Variants in REV3L observed in about 807,000 individuals in gnomAD.
REV3L encodes DNA polymerase zeta catalytic subunit.
A neutral mutation model predicts 299.4 loss-of-function variants in REV3L; 69 were observed. That is an observed-to-expected ratio of 0.23 (90% CI 0.19 to 0.28). The LOEUF is 0.28. Among genes scored for constraint, REV3L ranks in the 10% least tolerant of loss-of-function variants. The probability of loss-of-function intolerance (pLI) is 1.00; values close to 1 mark genes in which losing one functional copy is unlikely to be tolerated. For missense variants in REV3L, 3,128 were observed against 3,693.8 expected (o/e 0.85, Z 3.97); for synonymous variants, 1,238 against 1,271.4 (o/e 0.97, Z 0.56).
chr6:111,341,127 G>A (rs1011342163), intron 21 of REV3L, among the ~76,000 whole-genome samples: 1 of 143,846 alleles, frequency 7.0e-6, no homozygotes, highest in African/African-American at 2.6e-5. Context: ...TGCAACCTCT[G>A]ACTCCTGCTC....
intron 1 of REV3L, among the ~76,000 whole-genome samples, chr6:111,438,320 A>G (rs1189675105): frequency 1.3e-5 from 2 of 152,152 alleles, no homozygotes; most frequent in African/African-American, 2.4e-5. Flanking sequence ...TTATGAATAT[A>G]CAGAAATATA....
At chr6:111,304,639 G>A (rs1772065826) in intron 31 of REV3L, among the ~76,000 whole-genome samples, 1 of 148,450 alleles carries the variant, frequency 6.7e-6, no homozygotes, top group African/African-American at 2.5e-5. Context: ...TCGATCCAAG[G>A]GTATACATGT....
chr6:111,420,096 C>T (rs986582711), intron 1 of REV3L, among the ~76,000 whole-genome samples: 8 of 152,160 alleles, frequency 5.3e-5, no homozygotes, highest in Admixed American at 3.9e-4. Flanking sequence ...CCACCTGCCT[C>T]GGCCTTCCAA....
intron 1 of REV3L, among the ~76,000 whole-genome samples, chr6:111,439,764 A>G (rs1788024064): frequency 6.6e-6 from 1 of 152,188 alleles, no homozygotes; most frequent in African/African-American, 2.4e-5. Flanking sequence ...GACCCACTAC[A>G]GCTTTCTGAA....
intron 31 of REV3L, among the ~76,000 whole-genome samples, chr6:111,301,850 TAA>T (rs1256343460): frequency 6.6e-6 from 1 of 151,850 alleles, no homozygotes; most frequent in Admixed American, 6.6e-5. Flanking sequence ...ATGAAGAACA[TAA>T]AAAAATTAAA....
At chr6:111,357,455 G>A (rs1159836700) in intron 17 of REV3L, among the ~76,000 whole-genome samples, 1 of 152,152 alleles carries the variant, frequency 6.6e-6, no homozygotes, top group African/African-American at 2.4e-5. Context: ...CACTTTGGGA[G>A]GCCGAGGCAG....
chr6:111,346,776 G>A (rs899155902), intron 20 of REV3L, among the ~76,000 whole-genome samples: 5 of 152,176 alleles, frequency 3.3e-5, no homozygotes, highest in African/African-American at 1.2e-4. Flanking sequence ...TGAATTTTCA[G>A]TGAGGACTAG....
intron 4 of REV3L, among the ~76,000 whole-genome samples, chr6:111,402,221 G>C (rs911683161): frequency 6.6e-6 from 1 of 152,118 alleles, no homozygotes; most frequent in Admixed American, 6.6e-5. Context: ...CTTAGATCAA[G>C]CTCTGGATTT....
intron 1 of REV3L, among the ~76,000 whole-genome samples, chr6:111,458,102 T>C (rs115890120): frequency 0.01 from 1,537 of 152,188 alleles, 17 homozygotes; most frequent in African/African-American, 0.036. Flanking sequence ...CATAATCAAG[T>C]AGACTTTATT....
chr6:111,415,113 T>C (rs1196796029), intron 2 of REV3L, among the ~76,000 whole-genome samples: 10 of 152,166 alleles, frequency 6.6e-5, no homozygotes. Flanking sequence ...TCAAAGTCCT[T>C]ACATTAGCCT....
chr6:111,430,239 A>T, intron 1 of REV3L: 1 of 879,526 alleles, frequency 1.1e-6, no homozygotes, highest in South Asian at 1.3e-5. Flanking sequence ...CCACCCCTTC[A>T]AGAAGCTTTG....
chr6:111,459,004 G>T (rs1790460216), intron 1 of REV3L, among the ~76,000 whole-genome samples: 1 of 151,934 alleles, frequency 6.6e-6, no homozygotes, highest in Non-Finnish European at 1.5e-5. Context: ...AAAAAACCTG[G>T]AGGCATCACA....
At chr6:111,439,549 AG>A (rs1787992172) in intron 1 of REV3L, among the ~76,000 whole-genome samples, 1 of 152,248 alleles carries the variant, frequency 6.6e-6, no homozygotes, top group South Asian at 2.1e-4. Context: ...AAAGTGAAAA[AG>A]CTACATAAGT....
At chr6:111,425,270 A>C (rs1288637690) in intron 1 of REV3L, among the ~76,000 whole-genome samples, 2 of 152,124 alleles carry the variant, frequency 1.3e-5, no homozygotes, top group Non-Finnish European at 2.9e-5. Context: ...CATCCTGGCG[A>C]ACATGGAAAC....
intron 2 of REV3L, among the ~76,000 whole-genome samples, chr6:111,413,609 C>T (rs1160929894): frequency 6.6e-6 from 1 of 151,152 alleles, no homozygotes; most frequent in East Asian, 1.9e-4. Flanking sequence ...CTTTATGTAA[C>T]TTAAGTAGGA....
At chr6:111,463,073 A>G (rs1790992075) in intron 1 of REV3L, among the ~76,000 whole-genome samples, 1 of 152,206 alleles carries the variant, frequency 6.6e-6, no homozygotes, top group South Asian at 2.1e-4. Flanking sequence ...CAATATCTCC[A>G]GTCTCATAGG....
Position 111,367,506 on chromosome 6 carries a change from C to G in REV3L, c.6282G>C (p.Leu2094=). ...CSQTASESQM[L]PPVASASDPE... ...GATCACTTGCAGAGGCAACTGGTGG[C>G]AGCATCTGACTTTCACTTGCAGTTT... is the stretch of plus-strand genomic sequence containing the variant. Residue 2094 remains leucine (L), a synonymous_variant, in exon 14 of 32, where the codon CTG becomes CTC. Coordinates refer to ENST00000368802, the MANE Select transcript of REV3L (RefSeq NM_001372078.1). 1 of 1,609,608 alleles carries G rather than the reference C, an allele frequency of 6.2e-7. No homozygotes were observed. The highest frequency in any genetic ancestry group is 8.5e-7 in the Non-Finnish European group (1 of 1,176,434).
chr6:111,381,455 C>A lies in REV3L; in HGVS notation c.1097-11G>T, dbSNP rs1158686060. On this transcript the variant is annotated splice_polypyrimidine_tract_variant and intron_variant, in intron 9 of 31. Coordinates refer to ENST00000368802, the MANE Select transcript of REV3L (RefSeq NM_001372078.1). ...TGTGTCTAGTGTGACCTTAATTTGA[C>A]AAAGAATAAAAAAAATTGAAGCAAT... is the stretch of plus-strand genomic sequence containing the variant. 1 of 1,588,778 alleles carries A rather than the reference C, an allele frequency of 6.3e-7. No individual in the cohort carries two copies. Among genetic ancestry groups the A allele is most frequent in the African/African-American group, 1.4e-5 (1 of 73,426 alleles).
intron 31 of REV3L, among the ~76,000 whole-genome samples, chr6:111,304,308 T>C (rs1373738939): frequency 6.6e-6 from 1 of 151,094 alleles, no homozygotes; most frequent in East Asian, 1.9e-4. Context: ...AAGAAGTACA[T>C]TTTTTGGTAC....
Sources: gnomAD v4.1 joint callset for allele counts (sites outside exome capture counted in the v4.1 genomes callset) on GRCh38, gnomAD v4.1.1 for gene constraint, MANE v1.5 for transcripts, NCBI Gene and HGNC (gene_info 2026-07-23, HGNC 2026-07-21) for gene names.